ADCY5: variants seen among roughly 807,000 people sequenced by gnomAD.
ADCY5 encodes adenylate cyclase type 5.
ADCY5 carries 30 observed loss-of-function variants against 119.7 expected under a neutral mutation model. The ratio of observed to expected loss-of-function variants is 0.25; its 90% CI spans 0.19 to 0.34. ADCY5 has a LOEUF of 0.34. Ranked by LOEUF, ADCY5 falls within the 10% of genes least tolerant of loss-of-function variation. The probability of loss-of-function intolerance (pLI) is 1.00; values close to 1 mark genes in which losing one functional copy is unlikely to be tolerated. For missense variants in ADCY5, 1,324 were observed against 1,775.2 expected (o/e 0.75, Z 4.57); for synonymous variants, 753 against 762.2 (o/e 0.99, Z 0.20).
intron 20 of ADCY5, 78 bp from the exon 21 acceptor site, chr3:123,284,814 G>A: frequency 2.5e-6 from 4 of 1,585,432 alleles, no homozygotes; most frequent in Non-Finnish European, 3.5e-6. Flanking sequence ...AGCCACCTCT[G>A]ACTGCCCAGC....
At chr3:123,425,518 A>C (rs369891383) in intron 1 of ADCY5, among the ~76,000 whole-genome samples, 1 of 152,218 alleles carries the variant, frequency 6.6e-6, no homozygotes, top group South Asian at 2.1e-4. Context: ...AAGGAAGTAC[A>C]TCTGGAAGAA....
intron 1 of ADCY5, among the ~76,000 whole-genome samples, chr3:123,395,951 G>T (rs941077056): frequency 1.4e-5 from 2 of 139,644 alleles, no homozygotes; most frequent in Non-Finnish European, 3.1e-5. Context: ...AGGAAGGAGA[G>T]ACAGAGAGAA....
intron 1 of ADCY5, among the ~76,000 whole-genome samples, chr3:123,428,284 G>T (rs73856608): frequency 2.0e-5 from 3 of 152,148 alleles, no homozygotes; most frequent in Non-Finnish European, 4.4e-5. Flanking sequence ...AACTGAGGCA[G>T]GGGTGGATGT....
intron 8 of ADCY5, among the ~76,000 whole-genome samples, chr3:123,323,992 GGGT>G (rs1280154843): frequency 6.6e-6 from 1 of 152,094 alleles, no homozygotes; most frequent in Admixed American, 6.5e-5. Flanking sequence ...AGGGGAGGGA[GGGT>G]GGTGGCTGGA....
At chr3:123,371,681 C>T (rs1943647463) in intron 1 of ADCY5, among the ~76,000 whole-genome samples, 1 of 152,228 alleles carries the variant, frequency 6.6e-6, no homozygotes, top group Admixed American at 6.5e-5. Flanking sequence ...ACTTCTGCAC[C>T]CATTGTGGGC....
chr3:123,292,645 C>T (rs1172510823), intron 17 of ADCY5, among the ~76,000 whole-genome samples: 1 of 152,182 alleles, frequency 6.6e-6, no homozygotes, highest in African/African-American at 2.4e-5. Context: ...ACCCTTTACC[C>T]ATGTCCCTCG....
Position 123,397,977 on chromosome 3 carries a change from G to A in ADCY5, c.1135-45396C>T, listed in dbSNP as rs186305277. Among the ~76,000 whole-genome samples, 20 of 152,270 alleles carry A rather than the reference G, an allele frequency of 1.3e-4. No individual in the cohort carries two copies. In the East Asian group the frequency reaches 3.5e-3, roughly 26 times the overall value. On this transcript the variant is annotated intron_variant, in intron 1 of 20. Coordinates refer to ENST00000462833, the MANE Select transcript of ADCY5 (RefSeq NM_183357.3). Reference sequence around the variant, plus strand: ...GAAGAGCAAGAAGGGAAATTTAAGGGTTAACCCTCCTGTTGAAAAGTCTAC... The same window carrying A: ...GAAGAGCAAGAAGGGAAATTTAAGGATTAACCCTCCTGTTGAAAAGTCTAC...
chr3:123,410,666 T>C (rs1166301370), intron 1 of ADCY5, among the ~76,000 whole-genome samples: 1 of 151,988 alleles, frequency 6.6e-6, no homozygotes, highest in Non-Finnish European at 1.5e-5. Flanking sequence ...TTTTTGGAGG[T>C]AGAATCTCAC....
intron 1 of ADCY5, among the ~76,000 whole-genome samples, chr3:123,381,729 T>A (rs998111217): frequency 6.6e-6 from 1 of 152,352 alleles, no homozygotes; most frequent in Middle Eastern, 3.4e-3. Flanking sequence ...CTGGCTTCCA[T>A]CGCTCCTGAG....
In ADCY5 at chr3:123,426,305, T is replaced by TTTTG. The variant is rs1559875007; in HGVS notation, c.1134+21106_1134+21107insCAAA. Among the ~76,000 whole-genome samples the TTTTG allele has an allele frequency of 4.9e-3, 39 of 7,996 alleles. 1 individual carries two copies. The highest frequency in any genetic ancestry group is 6.1e-3 in the African/African-American group (35 of 5,720). 5.2% of individuals were successfully genotyped at this position (7,996 alleles called of 152,430 possible). ...TCTTTTTCTTTTCTTTTGTGTTTTT[T>TTTTG]TTTTGTTTGTTTTTGTTTGTTTGTT... On this transcript the variant is annotated intron_variant, in intron 1 of 20. Transcript: ENST00000462833.
At position 123,286,556 on chromosome 3, in the gene ADCY5, C is replaced by T; in HGVS notation, c.3657+129G>A. The T allele has an allele frequency of 7.7e-7, 1 of 1,296,864 alleles. No individual in the cohort carries two copies. The highest frequency in any genetic ancestry group is 2.4e-5 in the East Asian group (1 of 41,422). The allele number at this position is 1,296,864 out of a possible 1,614,324, so 80.3% of individuals were successfully genotyped here. ...GCTTCCAAGACATCAGCGTCAACAG[C>T]CCCATCACCCTTGAATCTGGCTGCA... is the stretch of plus-strand genomic sequence containing the variant. On this transcript the variant is annotated intron_variant, in intron 20 of 20. Coordinates refer to ENST00000462833, the MANE Select transcript of ADCY5 (RefSeq NM_183357.3). The surrounding 1 kb of genome is among the most constrained non-coding windows in gnomAD (Gnocchi z 4.2).
chr3:123,419,911 C>T (rs755002609), intron 1 of ADCY5, among the ~76,000 whole-genome samples: 15 of 152,004 alleles, frequency 9.9e-5, no homozygotes, highest in African/African-American at 3.1e-4. Flanking sequence ...GTATTATTTG[C>T]GCAGTTGTTG....
At chr3:123,334,562 A>G (rs2108422066) in intron 3 of ADCY5, among the ~76,000 whole-genome samples, 1 of 152,178 alleles carries the variant, frequency 6.6e-6, no homozygotes, top group South Asian at 2.1e-4. Flanking sequence ...ACATGGCAAA[A>G]CCCCATTTCT....
chr3:123,439,252 CG>C (rs1273355771), intron 1 of ADCY5, among the ~76,000 whole-genome samples: 1 of 151,308 alleles, frequency 6.6e-6, no homozygotes, highest in Non-Finnish European at 1.5e-5. Flanking sequence ...TTAGTAGAGA[CG>C]GGGTTTCACC....
At chr3:123,291,640 G>A (rs1361932071) in intron 17 of ADCY5, among the ~76,000 whole-genome samples, 1 of 152,126 alleles carries the variant, frequency 6.6e-6, no homozygotes, top group African/African-American at 2.4e-5. Flanking sequence ...TGGGGGTGCT[G>A]AGCCTGCAGC....
intron 11 of ADCY5, among the ~76,000 whole-genome samples, chr3:123,316,360 G>C (rs1187345599): frequency 6.6e-6 from 1 of 152,224 alleles, no homozygotes; most frequent in Non-Finnish European, 1.5e-5. Context: ...TGCGACATGG[G>C]ATCCTGAACT....
At chr3:123,367,939 T>C in intron 1 of ADCY5, 5 of 1,535,530 alleles carry the variant, frequency 3.3e-6, no homozygotes, top group Non-Finnish European at 3.5e-6. Flanking sequence ...TGGGGCCATG[T>C]CTTCCGTGGG....
Position 123,322,588 on chromosome 3 carries a change from T to C in ADCY5, c.2089-1817A>G, listed in dbSNP as rs572277386. ...GGCTCAAATCCCGCCACCTACTTACTCTAACAGTTCTAGGACAGCGGCTAC... is the reference window on the plus strand; with the variant it reads ...GGCTCAAATCCCGCCACCTACTTACCCTAACAGTTCTAGGACAGCGGCTAC... On this transcript the variant is annotated intron_variant, in intron 8 of 20. Coordinates refer to ENST00000462833, the MANE Select transcript of ADCY5 (RefSeq NM_183357.3). Among the ~76,000 whole-genome samples, 7 of 152,204 alleles carry C rather than the reference T, an allele frequency of 4.6e-5. No individual in the cohort carries two copies. In the South Asian group the frequency reaches 1.5e-3, roughly 32 times the overall value.
intron 1 of ADCY5, among the ~76,000 whole-genome samples, chr3:123,433,676 A>C (rs985199777): frequency 2.0e-5 from 3 of 152,032 alleles, no homozygotes; most frequent in Non-Finnish European, 2.9e-5. Flanking sequence ...GTATCTACTG[A>C]ATACTACTCA....
Sources: gnomAD v4.1 joint callset for allele counts (sites outside exome capture counted in the v4.1 genomes callset) on GRCh38, gnomAD v4.1.1 for gene constraint, Gnocchi (gnomAD v3.1) non-coding constraint, MANE v1.5 for transcripts, NCBI Gene and HGNC (gene_info 2026-07-23, HGNC 2026-07-21) for gene names.